The following RUFY2 variants were observed in gnomAD, a reference collection of about 807,000 sequenced individuals.
RUFY2 encodes the protein RUN and FYVE domain-containing protein 2.
Under a neutral mutation model 94.4 loss-of-function variants are expected in RUFY2, and 49 were observed. The ratio of observed to expected loss-of-function variants is 0.52; its 90% CI spans 0.41 to 0.66. The LOEUF (loss-of-function observed/expected upper bound fraction) is 0.66. Ranked by LOEUF, RUFY2 falls within the 30% of genes least tolerant of loss-of-function variation. The probability of loss-of-function intolerance (pLI) is 0.00; values close to 1 mark genes in which losing one functional copy is unlikely to be tolerated. For missense variants in RUFY2, 541 were observed against 692.8 expected, an observed-to-expected ratio of 0.78 and a Z score of 2.46; for synonymous variants, 255 against 235.7, an observed-to-expected ratio of 1.08 and a Z score of -0.75.
chr10:68,379,571 T>TG, intron 11 of RUFY2, 50 bp from the exon 12 acceptor site: 1 of 1,208,340 alleles, frequency 8.3e-7, no homozygotes, highest in Non-Finnish European at 1.2e-6. Flanking sequence ...GTGTGTGTGT[T>TG]TGTGTGTGTG....
At chr10:68,341,540 C>A, downstream of RUFY2, 1 of 1,282,962 alleles carries the variant, frequency 7.8e-7, no homozygotes, top group Non-Finnish European at 1.1e-6. Flanking sequence ...TGAATTTTAT[C>A]CATCATTCCT....
At chr10:68,352,150 A>G (rs2046726809) in intron 16 of RUFY2, among the ~76,000 whole-genome samples, 1 of 152,090 alleles carries the variant, frequency 6.6e-6, no homozygotes, top group Non-Finnish European at 1.5e-5. Context: ...TGGTAGAGAC[A>G]AGGGCTTGCT....
chr10:68,389,900 T>C (rs758973908), intron 7 of RUFY2, among the ~76,000 whole-genome samples: 1 of 152,182 alleles, frequency 6.6e-6, no homozygotes, highest in Non-Finnish European at 1.5e-5. Flanking sequence ...ATACATATTA[T>C]TGCTATGAGC....
Position 68,343,469 on chromosome 10 carries a change from TA to T in RUFY2, c.*2298del, listed in dbSNP as rs1255357650. 1 of 152,728 alleles carries T rather than the reference TA, an allele frequency of 6.5e-6. No homozygotes were observed. Among genetic ancestry groups the T allele is most frequent in the African/African-American group, 2.4e-5 (1 of 41,584 alleles). 9.5% of individuals were successfully genotyped at this position (152,728 alleles called of 1,614,324 possible). ...TTACTCTCTTAACATCTTAAAGCAG[TA>T]AAAGTATACAGTATTAATGAAACCA... is the stretch of plus-strand genomic sequence containing the variant. On this transcript the variant is annotated 3_prime_UTR_variant, in exon 18 of 18. Transcript: ENST00000602465.
At position 68,405,445 on chromosome 10, in the gene RUFY2, C is replaced by T. The variant is rs1210670607; in HGVS notation, c.5-601G>A. 11 of 976,240 alleles carry T rather than the reference C, an allele frequency of 1.1e-5. No homozygotes were observed. The East Asian group carries it at 1.3e-3, about 111-fold the overall frequency. The allele number at this position is 976,240 out of a possible 1,614,324, so 60.5% of individuals were successfully genotyped here. ...CTCCTGTATTTAACTTTCCTGGTAC[C>T]TCTTCATAGAGAATGAGTTTTTTAA... On this transcript the variant is annotated intron_variant, in intron 1 of 17. Transcript: ENST00000602465.
At chr10:68,393,543 C>A (rs143053704) in intron 6 of RUFY2, among the ~76,000 whole-genome samples, 1 of 152,162 alleles carries the variant, frequency 6.6e-6, no homozygotes, top group South Asian at 2.1e-4. Context: ...GTCTGGCCAA[C>A]GTGGTGAAAC....
intron 13 of RUFY2, among the ~76,000 whole-genome samples, chr10:68,374,944 T>A (rs2048526510): frequency 6.6e-6 from 1 of 152,198 alleles, no homozygotes. Flanking sequence ...CTTTTCTATC[T>A]ATATATAAAT....
rs761906584 is a variant in RUFY2 at position 68,401,634 on chromosome 10, A to G, written c.282T>C (p.Asp94=). The change falls in exon 3 of 18, where the codon GAT becomes GAC. Residue 94 remains aspartate (D), a synonymous_variant. Coordinates refer to ENST00000602465, the MANE Select transcript of RUFY2 (RefSeq NM_001330103.2). ...GGCCTCCTTACTTCAGACCAGGTAG[A>G]TCCCGGACACTAGCTCCTATTTCCT... ...EAEEIGASVR[D]LPGLKTPLGR... is the part of the protein sequence containing the mutation. 1 of 1,610,916 alleles carries G rather than the reference A, an allele frequency of 6.2e-7. No individual in the cohort carries two copies. The highest frequency in any genetic ancestry group is 1.7e-5 in the Admixed American group (1 of 60,000).
chr10:68,357,591 C>A (rs957135872), intron 15 of RUFY2, among the ~76,000 whole-genome samples: 1 of 151,900 alleles, frequency 6.6e-6, no homozygotes, highest in Admixed American at 6.6e-5. Context: ...AATGAAAATG[C>A]AAATTATAAA....
chr10:68,393,168 T>C lies in RUFY2; in HGVS notation c.620A>G (p.Asn207Ser). 1 of 1,555,026 alleles carries C rather than the reference T, an allele frequency of 6.4e-7. No homozygotes were observed. The highest frequency in any genetic ancestry group is 8.8e-7 in the Non-Finnish European group (1 of 1,134,440). The change falls in exon 7 of 18, where the codon AAT (asparagine) becomes AGT (serine). Residue 207 changes from asparagine to serine, a missense_variant. By Grantham distance (46) the Asn-to-Ser change is conservative (BLOSUM62 1). Around this residue, in one of 3 missense-constraint regions of RUFY2, gnomAD observed 403 missense variants for 480.7 expected, o/e 0.84. Coordinates refer to ENST00000602465, the MANE Select transcript of RUFY2 (RefSeq NM_001330103.2). ...TTGTCTATTTAATTCTTCAACATAA[T>C]TCTTTTGGTCTAATATGGCAGCAAT... ...VQIAAILDQK[N>S]YVEELNRQLN...
chr10:68,342,232 G>A (rs1589731791), downstream of RUFY2: 1 of 515,566 alleles, frequency 1.9e-6, no homozygotes, highest in African/African-American at 2.0e-5. Context: ...AGGTTTATTT[G>A]TTGCATACTT....
intron 13 of RUFY2, among the ~76,000 whole-genome samples, chr10:68,376,479 TA>T (rs1564816275): frequency 1.7e-5 from 1 of 57,518 alleles, no homozygotes; most frequent in African/African-American, 5.5e-5. Flanking sequence ...TATATATATA[TA>T]TATATATATA....
intron 16 of RUFY2, among the ~76,000 whole-genome samples, chr10:68,351,289 G>A (rs548637508): frequency 1.3e-5 from 2 of 148,546 alleles, no homozygotes; most frequent in East Asian, 2.0e-4. Context: ...GTGCCACCAC[G>A]CCCGGCTAAT....
chr10:68,404,266 G>A (rs2051097753), intron 2 of RUFY2, among the ~76,000 whole-genome samples: 1 of 152,034 alleles, frequency 6.6e-6, no homozygotes, highest in South Asian at 2.1e-4. Context: ...TTCTACATAT[G>A]TTCGTGTATA....
chr10:68,343,230 C>T (rs1368784879), downstream of RUFY2: 1 of 152,130 alleles, frequency 6.6e-6, no homozygotes, highest in East Asian at 1.9e-4. Flanking sequence ...GTGTCAGTTA[C>T]TAATTCTAAA....
intron 16 of RUFY2, among the ~76,000 whole-genome samples, chr10:68,351,094 G>A (rs910157339): frequency 1.4e-5 from 2 of 142,688 alleles, no homozygotes; most frequent in Non-Finnish European, 3.0e-5. Flanking sequence ...CATAATGATG[G>A]TTTTGGCAAA....
At position 68,345,376 on chromosome 10, in the gene RUFY2, G is replaced by C; in HGVS notation, c.*392C>G. ...ATTAATAATTTTAAAAGTTTTATGC[G>C]TTTCCAGTTTCAGAACTGTGAAGCT... On this transcript the variant is annotated 3_prime_UTR_variant, in exon 18 of 18. Transcript: ENST00000602465. 2.6e-6 allele frequency: 1 copy of C among 387,348 alleles called. No homozygotes were observed. The highest frequency in any genetic ancestry group is 4.6e-6 in the Non-Finnish European group (1 of 219,630). The allele number at this position is 387,348 out of a possible 1,614,324, so 24.0% of individuals were successfully genotyped here.
chr10:68,345,555 T>C lies in RUFY2; in HGVS notation c.*213A>G, dbSNP rs537805011. On this transcript the variant is annotated 3_prime_UTR_variant, in exon 18 of 18. Coordinates refer to ENST00000602465, the MANE Select transcript of RUFY2 (RefSeq NM_001330103.2). ...TCTGGCCTTTTAATGAGTTACATGA[T>C]TTTTAAGCATGCTCTGTTGAAAATA... The C allele has an allele frequency of 7.3e-5, 36 of 493,024 alleles. No homozygotes were observed. The highest frequency in any genetic ancestry group is 3.1e-4 in the Admixed American group (8 of 26,166). 30.5% of individuals were successfully genotyped at this position (493,024 alleles called of 1,614,324 possible).
At chr10:68,405,119 C>G (rs1050648760) in intron 1 of RUFY2, among the ~76,000 whole-genome samples, 4 of 152,050 alleles carry the variant, frequency 2.6e-5, no homozygotes. Context: ...TTGAGACCAT[C>G]CTGGCCAACA....
Sources: gnomAD v4.1 joint callset for allele counts (sites outside exome capture counted in the v4.1 genomes callset) on GRCh38, gnomAD v4.1.1 for gene constraint, gnomAD v4.1.1 regional missense constraint, MANE v1.5 for transcripts, NCBI Gene and HGNC (gene_info 2026-07-23, HGNC 2026-07-21) for gene names.